Variants in MRPS9 observed in about 807,000 individuals in gnomAD.
The protein encoded by MRPS9 is mitochondrial ribosomal protein S9.
In MRPS9, 45 loss-of-function variants were observed where a neutral mutation model predicts 59.9. The observed-to-expected ratio is 0.75, with a 90% CI of 0.59 to 0.96. MRPS9 has a LOEUF of 0.96. Ranked by LOEUF, MRPS9 falls within the 40% of genes least tolerant of loss-of-function variation. The probability of loss-of-function intolerance (pLI) is 0.00; values close to 1 mark genes in which losing one functional copy is unlikely to be tolerated. For missense variants in MRPS9, 473 were observed against 481.1 expected, an observed-to-expected ratio of 0.98 and a Z score of 0.16; for synonymous variants, 171 against 166.8, an observed-to-expected ratio of 1.03 and a Z score of -0.19.
At chr2:105,068,395 A>G (rs1322130220) in intron 2 of MRPS9, among the ~76,000 whole-genome samples, 1 of 152,192 alleles carries the variant, frequency 6.6e-6, no homozygotes, top group Non-Finnish European at 1.5e-5. Context: ...GAATTATAGT[A>G]TCAGTGTTAT....
At chr2:105,096,365 T>C (rs912043696) in intron 9 of MRPS9, among the ~76,000 whole-genome samples, 8 of 152,136 alleles carry the variant, frequency 5.3e-5, no homozygotes, top group African/African-American at 1.9e-4. Context: ...TAAGGCAAAA[T>C]AGCAAAATCA....
intron 1 of MRPS9, among the ~76,000 whole-genome samples, chr2:105,045,899 C>T (rs554335776): frequency 1.3e-5 from 2 of 152,082 alleles, no homozygotes; most frequent in Non-Finnish European, 2.9e-5. Flanking sequence ...GAGTCTCCCT[C>T]TGTTGCCCAG....
intron 1 of MRPS9, among the ~76,000 whole-genome samples, chr2:105,048,426 A>G (rs1679638281): frequency 1.3e-5 from 2 of 151,884 alleles, no homozygotes; most frequent in South Asian, 4.1e-4. Flanking sequence ...TGGGTGCAGC[A>G]CACCAGCATG....
intron 2 of MRPS9, among the ~76,000 whole-genome samples, chr2:105,061,720 G>A (rs920057508): frequency 1.3e-5 from 2 of 152,092 alleles, no homozygotes; most frequent in African/African-American, 4.8e-5. Flanking sequence ...GGGGGGAGGA[G>A]CATTGGGGAC....
At chr2:105,091,625 AAACAT>A (rs1436737188) in intron 7 of MRPS9, among the ~76,000 whole-genome samples, 2 of 152,208 alleles carry the variant, frequency 1.3e-5, no homozygotes, top group African/African-American at 4.8e-5. Flanking sequence ...CGCCGACAAA[AAACAT>A]AAATAAGGTT....
At chr2:105,090,144 A>C (rs1680530021) in intron 7 of MRPS9, 149 bp downstream of exon 7, 1 of 479,350 alleles carries the variant, frequency 2.1e-6, no homozygotes, top group Non-Finnish European at 3.7e-6. Context: ...AACAAAACAA[A>C]ACAAAAAAAC....
At chr2:105,091,570 T>G (rs1680558627) in intron 7 of MRPS9, 4 of 308,314 alleles carry the variant, frequency 1.3e-5, no homozygotes, top group Non-Finnish European at 2.6e-5. Flanking sequence ...AATGGCAGAT[T>G]TTTACAATAA....
chr2:105,046,828 C>G (rs546284413), intron 1 of MRPS9, among the ~76,000 whole-genome samples: 41 of 152,106 alleles, frequency 2.7e-4, no homozygotes, highest in African/African-American at 9.9e-4. Flanking sequence ...ATCCTTTTGG[C>G]AATGGAACAT....
At chr2:105,043,632 T>G (rs1344641037) in intron 1 of MRPS9, among the ~76,000 whole-genome samples, 5 of 152,142 alleles carry the variant, frequency 3.3e-5, no homozygotes, top group Non-Finnish European at 4.4e-5. Flanking sequence ...TTTTATTTAT[T>G]TTTATGTTTT....
intron 5 of MRPS9, among the ~76,000 whole-genome samples, chr2:105,084,904 T>C (rs1263964670): frequency 6.6e-6 from 1 of 152,200 alleles, no homozygotes; most frequent in African/African-American, 2.4e-5. Context: ...TAGAAAAGGA[T>C]TCAACATATT....
intron 2 of MRPS9, among the ~76,000 whole-genome samples, chr2:105,062,009 T>C (rs770477765): frequency 1.3e-5 from 2 of 152,170 alleles, no homozygotes; most frequent in Non-Finnish European, 2.9e-5. Flanking sequence ...CAACAAAGGA[T>C]AGGGGGAAAA....
intron 2 of MRPS9, among the ~76,000 whole-genome samples, chr2:105,050,485 A>G (rs557921062): frequency 9.9e-5 from 15 of 152,216 alleles, no homozygotes; most frequent in Admixed American, 6.5e-4. Context: ...ATTTGTAATT[A>G]GGGACTTTGT....
intron 4 of MRPS9, among the ~76,000 whole-genome samples, chr2:105,078,793 T>C (rs1168824930): frequency 6.6e-6 from 1 of 152,200 alleles, no homozygotes; most frequent in Non-Finnish European, 1.5e-5. Context: ...CTTGGATTTC[T>C]GCCTCACAAA....
In MRPS9 at chr2:105,099,835, G is replaced by A; in HGVS notation, c.*74G>A. 7.2e-7 allele frequency: 1 copy of A among 1,382,338 alleles called. No individual in the cohort carries two copies. The highest frequency in any genetic ancestry group is 2.3e-5 in the East Asian group (1 of 42,620). 85.6% of individuals were successfully genotyped at this position (1,382,338 alleles called of 1,614,324 possible). A position where few individuals can be genotyped will look rare whatever the true frequency, so the allele number is the denominator to read the frequency against. On this transcript the variant is annotated 3_prime_UTR_variant, in exon 11 of 11. Coordinates refer to ENST00000258455, the MANE Select transcript of MRPS9 (RefSeq NM_182640.3). ...ATGTGGCAGACACACAGTAAATAATGGCTGACCAGCATGAGGGCAGTACTG... is the reference window on the plus strand; with the variant it reads ...ATGTGGCAGACACACAGTAAATAATAGCTGACCAGCATGAGGGCAGTACTG...
chr2:105,099,567 T>C, intron 10 of MRPS9, 103 bp from the exon 11 acceptor site: 1 of 1,091,084 alleles, frequency 9.2e-7, no homozygotes, highest in Non-Finnish European at 1.3e-6. Flanking sequence ...TTTCCTCTAG[T>C]TTTTTTTCTC....
At position 105,049,232 on chromosome 2, in the gene MRPS9, G is replaced by A. The variant is rs771563820; in HGVS notation, c.197G>A (p.Arg66His). 9 of 1,613,070 alleles carry A rather than the reference G, an allele frequency of 5.6e-6. 1 individual carries two copies. Among genetic ancestry groups the A allele is most frequent in the African/African-American group, 5.3e-5 (4 of 74,830 alleles). Residue 66 changes from arginine to histidine, a missense_variant, in exon 2 of 11, where the codon CGT (arginine) becomes CAT (histidine). Physicochemically the swap from Arg to His is conservative, Grantham distance 29. Coordinates refer to ENST00000258455, the MANE Select transcript of MRPS9 (RefSeq NM_182640.3). ...IPKKNVPTSKRETYTEDFIKK... is the reference protein window; with the variant it reads ...IPKKNVPTSKHETYTEDFIKK... ...AAGAAAAACGTTCCTACCTCAAAAC[G>A]TGAAACTTACACAGAGGATTTTATT... is the stretch of plus-strand genomic sequence containing the variant.
chr2:105,042,783 C>A (rs1430739858), intron 1 of MRPS9, among the ~76,000 whole-genome samples: 1 of 152,108 alleles, frequency 6.6e-6, no homozygotes, highest in Non-Finnish European at 1.5e-5. Flanking sequence ...TAATACAGAG[C>A]CTGGTCTATA....
intron 7 of MRPS9, among the ~76,000 whole-genome samples, chr2:105,091,710 A>AT (rs1427469126): frequency 6.6e-6 from 1 of 152,144 alleles, no homozygotes; most frequent in East Asian, 1.9e-4. Context: ...TTCTCCATAA[A>AT]CACTTTAGAG....
In MRPS9 at chr2:105,097,337, G is replaced by A; in HGVS notation, c.1099+13G>A. ...TGGATGAGACAAGGTATGAGTCTAGGTGGGACGGGCATGGTGGCCCAATAC... is the reference window on the plus strand; with the variant it reads ...TGGATGAGACAAGGTATGAGTCTAGATGGGACGGGCATGGTGGCCCAATAC... On this transcript the variant is annotated intron_variant, in intron 10 of 10. Coordinates refer to ENST00000258455, the MANE Select transcript of MRPS9 (RefSeq NM_182640.3). The A allele has an allele frequency of 1.3e-6, 2 of 1,579,712 alleles. No individual in the cohort carries two copies. Among genetic ancestry groups the A allele is most frequent in the Non-Finnish European group, 8.6e-7 (1 of 1,162,332 alleles).
Sources: gnomAD v4.1 joint callset for allele counts (sites outside exome capture counted in the v4.1 genomes callset) on GRCh38, gnomAD v4.1.1 for gene constraint, MANE v1.5 for transcripts, NCBI Gene and HGNC (gene_info 2026-07-23, HGNC 2026-07-21) for gene names.